EBF1: variants seen among roughly 807,000 people sequenced by gnomAD.
EBF1 encodes transcription factor COE1.
Under a neutral mutation model 68.4 loss-of-function variants are expected in EBF1, and 10 were observed. The observed-to-expected ratio is 0.15, with a 90% confidence interval of 0.09 to 0.25. EBF1 has a LOEUF of 0.25. Among genes scored for constraint, EBF1 ranks in the 10% least tolerant of loss-of-function variants. The probability of loss-of-function intolerance (pLI) is 1.00; values close to 1 mark genes in which losing one functional copy is unlikely to be tolerated. For missense variants in EBF1, 509 were observed against 794.4 expected, an observed-to-expected ratio of 0.64 and a Z score of 4.32; for synonymous variants, 298 against 299.8, an observed-to-expected ratio of 0.99 and a Z score of 0.06.
At chr5:158,920,793 A>G (rs1031133199) in intron 6 of EBF1, among the ~76,000 whole-genome samples, 3 of 152,090 alleles carry the variant, frequency 2.0e-5, no homozygotes, top group Non-Finnish European at 4.4e-5. Context: ...CCTCATAGAT[A>G]TGCTTGCCCC....
At chr5:158,797,717 T>C (rs992953737) in intron 8 of EBF1, among the ~76,000 whole-genome samples, 14 of 152,230 alleles carry the variant, frequency 9.2e-5, no homozygotes, top group African/African-American at 3.4e-4. Flanking sequence ...GGGTTTGATT[T>C]TGATTCAAAT....
At chr5:158,918,828 A>G (rs1807778423) in intron 6 of EBF1, among the ~76,000 whole-genome samples, 2 of 152,236 alleles carry the variant, frequency 1.3e-5, no homozygotes, top group Admixed American at 1.3e-4. Flanking sequence ...TTACTGTCCA[A>G]TAGGAAGCTC....
rs189419076 is a variant in EBF1, at chr5:158,971,021, C to A, written c.554+102375G>T. On this transcript the variant is annotated intron_variant, in intron 6 of 15. Coordinates refer to ENST00000313708, the MANE Select transcript of EBF1 (RefSeq NM_024007.5). ...AGCACTAGAAAGTAGATTGCAGGAGCTTCTGGTAGCATGGAGGTGAAGAGG... is the reference window on the plus strand; with the variant it reads ...AGCACTAGAAAGTAGATTGCAGGAGATTCTGGTAGCATGGAGGTGAAGAGG... Among the ~76,000 whole-genome samples the A allele has an allele frequency of 5.3e-5, 8 of 152,310 alleles. No individual in the cohort carries two copies. The East Asian group carries it at 1.5e-3, about 29-fold the overall frequency.
intron 6 of EBF1, among the ~76,000 whole-genome samples, chr5:158,938,325 T>C (rs1451720496): frequency 6.6e-6 from 1 of 152,178 alleles, no homozygotes; most frequent in Admixed American, 6.5e-5. Context: ...CCTGTGCAGC[T>C]TCACCTTTCA....
intron 9 of EBF1, among the ~76,000 whole-genome samples, chr5:158,784,166 T>C (rs1776967804): frequency 2.0e-5 from 3 of 152,202 alleles, no homozygotes. Context: ...TTACATCCTG[T>C]AGTATTATGG....
chr5:158,907,178 C>T (rs7730360), intron 6 of EBF1, among the ~76,000 whole-genome samples: 24,128 of 152,140 alleles, frequency 0.16, 1,986 homozygotes, highest in Non-Finnish European at 0.19. Context: ...TCTGCCTTCA[C>T]GCAGCAGTCA....
intron 6 of EBF1, among the ~76,000 whole-genome samples, chr5:159,057,104 C>CTTTT (rs1205129627): frequency 3.4e-3 from 373 of 110,350 alleles, no homozygotes; most frequent in Middle Eastern, 5.3e-3. Flanking sequence ...CTTTTCTTTT[C>CTTTT]TTTTTTTTTT....
chr5:158,866,237 G>A (rs1795842554), intron 6 of EBF1, among the ~76,000 whole-genome samples: 1 of 152,160 alleles, frequency 6.6e-6, no homozygotes, highest in Admixed American at 6.6e-5. Flanking sequence ...AAGCCTTCTT[G>A]CAGAAATGTC....
At chr5:158,833,190 C>G (rs1331993634) in intron 7 of EBF1, among the ~76,000 whole-genome samples, 1 of 151,398 alleles carries the variant, frequency 6.6e-6, no homozygotes, top group Non-Finnish European at 1.5e-5. Context: ...ACTGTAGTCC[C>G]AGCTACTCTG....
chr5:158,776,014 A>C (rs1224600536), intron 10 of EBF1, among the ~76,000 whole-genome samples: 1 of 152,192 alleles, frequency 6.6e-6, no homozygotes, highest in Non-Finnish European at 1.5e-5. Context: ...TATACACCAC[A>C]AAACTCCAGA....
chr5:158,787,326 A>G (rs984772128), intron 9 of EBF1, among the ~76,000 whole-genome samples: 17 of 152,284 alleles, frequency 1.1e-4, no homozygotes, highest in African/African-American at 4.1e-4. Flanking sequence ...TCAGGCCATC[A>G]GCTGTCACTG....
intron 6 of EBF1, among the ~76,000 whole-genome samples, chr5:158,909,739 C>A (rs1646646762): frequency 6.6e-6 from 1 of 151,980 alleles, no homozygotes; most frequent in Admixed American, 6.6e-5. Context: ...GAGATCGAGA[C>A]CATCCTGGCC....
At chr5:158,975,424 C>T (rs1000724391) in intron 6 of EBF1, among the ~76,000 whole-genome samples, 1 of 152,134 alleles carries the variant, frequency 6.6e-6, no homozygotes, top group Non-Finnish European at 1.5e-5. Flanking sequence ...CAGATCAGTG[C>T]TAAAGTTGTG....
At chr5:158,925,366 T>G (rs1583214586) in intron 6 of EBF1, among the ~76,000 whole-genome samples, 1 of 152,064 alleles carries the variant, frequency 6.6e-6, no homozygotes, top group African/African-American at 2.4e-5. Context: ...AAACACAGAG[T>G]GAATATACAA....
chr5:158,835,133 A>G (rs1000463739), intron 7 of EBF1, among the ~76,000 whole-genome samples: 1 of 152,230 alleles, frequency 6.6e-6, no homozygotes, highest in African/African-American at 2.4e-5. Context: ...GCAATCTTCA[A>G]CCAATATCAT....
chr5:158,749,069 G>A (rs564800163), intron 10 of EBF1, among the ~76,000 whole-genome samples: 51 of 152,262 alleles, frequency 3.3e-4, no homozygotes, highest in African/African-American at 1.2e-3. Flanking sequence ...CTGTGGAAGA[G>A]GGCCTAGATT....
At chr5:158,974,294 C>A (rs1426308850) in intron 6 of EBF1, among the ~76,000 whole-genome samples, 1 of 152,156 alleles carries the variant, frequency 6.6e-6, no homozygotes, top group Non-Finnish European at 1.5e-5. Flanking sequence ...TGGAAAATTA[C>A]CTAAACCTTT....
rs765507286 is a variant in EBF1, at chr5:158,713,067, A to G, written c.1272T>C (p.Leu424=). ...VPRNHNQLPA[L]ANTSVHAGMM... ...TCCCTGCGTGGACCGAGGTGTTAGC[A>G]AGGGCCGGGAGTTGGTTGTGGTTGC... Residue 424 remains leucine, a synonymous_variant, in exon 13 of 16, where the codon CTT becomes CTC. Transcript: ENST00000313708. The G allele has an allele frequency of 6.3e-7, 1 of 1,598,998 alleles. No individual in the cohort carries two copies. The highest frequency in any genetic ancestry group is 1.1e-5 in the South Asian group (1 of 88,580).
At chr5:159,087,100 A>T (rs375229837) in intron 4 of EBF1, among the ~76,000 whole-genome samples, 1 of 151,860 alleles carries the variant, frequency 6.6e-6, no homozygotes, top group Non-Finnish European at 1.5e-5. Flanking sequence ...CATGGTTTGT[A>T]TGTTCTCTAA....
Sources: allele counts gnomAD v4.1 joint callset (sites outside exome capture counted in the v4.1 genomes callset), GRCh38; gene constraint gnomAD v4.1.1; transcripts MANE v1.5; gene names NCBI Gene and HGNC (gene_info 2026-07-23, HGNC 2026-07-21).